Variants in C8orf34 observed in about 807,000 individuals in gnomAD.
C8orf34 encodes the protein uncharacterized protein C8orf34.
A neutral mutation model predicts 68.3 loss-of-function variants in C8orf34; 65 were observed. The ratio of observed to expected loss-of-function variants is 0.95; its 90% CI spans 0.78 to 1.17. The LOEUF (loss-of-function observed/expected upper bound fraction) is 1.17, where lower values mean the gene tolerates loss of function less well. C8orf34 is among the 50% of genes most tolerant of loss of function. The pLI is 0.00. For synonymous variants in C8orf34, 244 were observed against 241.2 expected (o/e 1.01, Z -0.11); for missense variants, 664 against 655.4 (o/e 1.01, Z -0.14).
chr8:68,724,309 T>C (rs192422159), intron 10 of C8orf34, among the ~76,000 whole-genome samples: 52 of 152,238 alleles, frequency 3.4e-4, no homozygotes, highest in Non-Finnish European at 1.6e-4. Context: ...CCGTAAGAAA[T>C]ACAAAATACT....
intron 10 of C8orf34, among the ~76,000 whole-genome samples, chr8:68,745,652 T>C (rs920530254): frequency 3.3e-5 from 5 of 152,080 alleles, no homozygotes; most frequent in Non-Finnish European, 5.9e-5. Flanking sequence ...CATTACATAA[T>C]GGTAAAGGGA....
intron 1 of C8orf34, among the ~76,000 whole-genome samples, chr8:68,415,628 A>G (rs776097270): frequency 1.8e-4 from 28 of 152,224 alleles, no homozygotes; most frequent in Non-Finnish European, 3.8e-4. Flanking sequence ...CCAGAAGCCA[A>G]TAGTGCCATT....
intron 11 of C8orf34, among the ~76,000 whole-genome samples, chr8:68,784,076 C>G (rs1007022809): frequency 2.0e-5 from 3 of 152,074 alleles, no homozygotes; most frequent in African/African-American, 7.2e-5. Context: ...GTGCAGCTTT[C>G]CACAGGTTTT....
chr8:68,389,681 C>T (rs960949185), intron 1 of C8orf34, among the ~76,000 whole-genome samples: 3 of 152,122 alleles, frequency 2.0e-5, no homozygotes, highest in Admixed American at 6.5e-5. Context: ...GACACTTGGA[C>T]ACTTCTTCAG....
intron 11 of C8orf34, among the ~76,000 whole-genome samples, chr8:68,782,817 G>A (rs1328539943): frequency 2.0e-5 from 3 of 152,062 alleles, no homozygotes; most frequent in Admixed American, 6.5e-5. Context: ...CATCACTTTA[G>A]GAGGCAGAGG....
At chr8:68,590,660 G>A (rs545693862) in intron 7 of C8orf34, among the ~76,000 whole-genome samples, 190 of 152,254 alleles carry the variant, frequency 1.2e-3, no homozygotes, top group African/African-American at 3.4e-3. Context: ...ACTACATGTG[G>A]AAGTCCCCCA....
intron 7 of C8orf34, among the ~76,000 whole-genome samples, chr8:68,592,061 T>C (rs1817405460): frequency 6.6e-6 from 1 of 152,174 alleles, no homozygotes; most frequent in Non-Finnish European, 1.5e-5. Flanking sequence ...AACTTACAAG[T>C]GTATAAACTT....
At chr8:68,633,519 G>A (rs1818751975) in intron 7 of C8orf34, among the ~76,000 whole-genome samples, 1 of 152,102 alleles carries the variant, frequency 6.6e-6, no homozygotes, top group African/African-American at 2.4e-5. Context: ...ATTCCCATCG[G>A]TTGATTTTTA....
At chr8:68,663,279 T>A (rs1819738494) in intron 8 of C8orf34, among the ~76,000 whole-genome samples, 6 of 152,220 alleles carry the variant, frequency 3.9e-5, no homozygotes, top group Admixed American at 3.9e-4. Flanking sequence ...TGAGATCTGC[T>A]CAAGTGATTT....
At chr8:68,594,275 A>G (rs147596526) in intron 7 of C8orf34, among the ~76,000 whole-genome samples, 2 of 151,914 alleles carry the variant, frequency 1.3e-5, no homozygotes, top group African/African-American at 4.8e-5. Flanking sequence ...AACTCTTCCT[A>G]TAATTGTCTG....
rs542478889 is a variant in C8orf34 at position 68,546,531 on chromosome 8, T to C, written c.1105+13382T>C. ...TAAAAAAAAAGAGACAAATGGGATA[T>C]CATAGATGGATATTTAAACATATTT... On this transcript the variant is annotated intron_variant, in intron 7 of 13. Coordinates refer to ENST00000518698, the MANE Select transcript of C8orf34 (RefSeq NM_052958.4). Among the ~76,000 whole-genome samples, 9 of 151,784 alleles carry C rather than the reference T, an allele frequency of 5.9e-5. No individual in the cohort carries two copies. The South Asian group carries it at 1.9e-3, about 31-fold the overall frequency.
intron 12 of C8orf34, among the ~76,000 whole-genome samples, chr8:68,804,350 T>C (rs2129529694): frequency 6.6e-6 from 1 of 152,336 alleles, no homozygotes; most frequent in South Asian, 2.1e-4. Context: ...AATACCTAAG[T>C]GCTAAATAAC....
chr8:68,707,939 C>A (rs1821217825), intron 8 of C8orf34, among the ~76,000 whole-genome samples: 1 of 151,812 alleles, frequency 6.6e-6, no homozygotes, highest in Non-Finnish European at 1.5e-5. Context: ...AATTGTTTAT[C>A]CAAAGTGAAT....
chr8:68,525,435 T>G (rs911609356), intron 6 of C8orf34: 1 of 440,934 alleles, frequency 2.3e-6, no homozygotes, highest in African/African-American at 2.0e-5. Flanking sequence ...CTTAATTTCT[T>G]TTTTAGTACA....
In C8orf34 at chr8:68,746,518, T is replaced by C. The variant is rs1470800383; in HGVS notation, c.1404+25081T>C. Among the ~76,000 whole-genome samples, 144 of 90,514 alleles carry C rather than the reference T, an allele frequency of 1.6e-3. 2 individuals carry two copies. The highest frequency in any genetic ancestry group is 5.7e-3 in the African/African-American group (131 of 23,160). 59.4% of individuals were successfully genotyped at this position (90,514 alleles called of 152,430 possible). On this transcript the variant is annotated intron_variant, in intron 10 of 13. Coordinates refer to ENST00000518698, the MANE Select transcript of C8orf34 (RefSeq NM_052958.4). Reference sequence around the variant, plus strand: ...TAATAAAGAAAAAAAGAGAGAAGAATCAAATAGATGCAATAAAAAATGATA... The same window carrying C: ...TAATAAAGAAAAAAAGAGAGAAGAACCAAATAGATGCAATAAAAAATGATA...
chr8:68,744,965 T>C (rs1054302766), intron 10 of C8orf34, among the ~76,000 whole-genome samples: 13 of 151,660 alleles, frequency 8.6e-5, no homozygotes, highest in Admixed American at 2.0e-4. Flanking sequence ...AAGGAAAAAA[T>C]GTTAAGGGCA....
At chr8:68,407,226 C>T (rs867209027) in intron 1 of C8orf34, among the ~76,000 whole-genome samples, 78 of 148,668 alleles carry the variant, frequency 5.2e-4, no homozygotes, top group African/African-American at 1.9e-3. Flanking sequence ...TTTTTTTTAT[C>T]GTTATAAAAT....
At chr8:68,495,825 A>T (rs1300214138) in intron 5 of C8orf34, among the ~76,000 whole-genome samples, 1 of 152,262 alleles carries the variant, frequency 6.6e-6, no homozygotes, top group Non-Finnish European at 1.5e-5. Context: ...CCTAGTGCAG[A>T]GTAATTATTC....
intron 7 of C8orf34, among the ~76,000 whole-genome samples, chr8:68,603,394 T>G (rs1392353967): frequency 6.6e-6 from 1 of 152,094 alleles, no homozygotes; most frequent in Non-Finnish European, 1.5e-5. Context: ...CTGACTATAT[T>G]CATAATATCT....
Sources: allele counts gnomAD v4.1 joint callset (sites outside exome capture counted in the v4.1 genomes callset), GRCh38; gene constraint gnomAD v4.1.1; transcripts MANE v1.5; gene names NCBI Gene and HGNC (gene_info 2026-07-23, HGNC 2026-07-21).